The following FMN1 variants were observed in gnomAD, a reference collection of about 807,000 sequenced individuals.
The protein encoded by FMN1 is formin-1.
A neutral mutation model predicts 132.4 loss-of-function variants in FMN1; 110 were observed. That is an observed-to-expected ratio of 0.83 (90% CI 0.71 to 0.97). The LOEUF (loss-of-function observed/expected upper bound fraction) is 0.97. Among genes scored for constraint, FMN1 ranks in the 50% least tolerant of loss-of-function variants. The pLI is 0.00. For missense variants in FMN1, 1,792 were observed against 1,705.3 expected (o/e 1.05, Z -0.90); for synonymous variants, 722 against 651.7 (o/e 1.11, Z -1.64).
At chr15:32,915,659 T>C (rs2060666805) in intron 10 of FMN1, among the ~76,000 whole-genome samples, 1 of 152,222 alleles carries the variant, frequency 6.6e-6, no homozygotes, top group Non-Finnish European at 1.5e-5. Context: ...AATCCTACTT[T>C]TGTTTCCATC....
At chr15:33,019,186 T>C (rs1372625568) in intron 6 of FMN1, among the ~76,000 whole-genome samples, 5 of 152,192 alleles carry the variant, frequency 3.3e-5, no homozygotes, top group African/African-American at 9.7e-5. Flanking sequence ...AGGGTGCTGA[T>C]TGGTGCATTC....
chr15:33,088,976 T>C lies in FMN1; in HGVS notation c.1868-2A>G. The C allele has an allele frequency of 1.3e-6, 2 of 1,529,480 alleles. No homozygotes were observed. Among genetic ancestry groups the C allele is most frequent in the South Asian group, 1.2e-5 (1 of 82,388 alleles). The allele number at this position is 1,529,480 out of a possible 1,614,324, so 94.7% of individuals were successfully genotyped here. A position where few individuals can be genotyped will look rare whatever the true frequency, so the allele number is the denominator to read the frequency against. Reference sequence around the variant, plus strand: ...AGGGAAAGCCCTCAGAGGAGATACCTAAACAAACACAGAGAAGGCCATCAG... The same window carrying C: ...AGGGAAAGCCCTCAGAGGAGATACCCAAACAAACACAGAGAAGGCCATCAG... On this transcript the variant is annotated splice_acceptor_variant, in intron 4 of 20. Transcript: ENST00000616417. LOFTEE classifies it high-confidence loss of function.
At chr15:32,842,148 G>T (rs1309792417) in intron 17 of FMN1, among the ~76,000 whole-genome samples, 1 of 152,160 alleles carries the variant, frequency 6.6e-6, no homozygotes, top group Non-Finnish European at 1.5e-5. Flanking sequence ...GAGAGGATAG[G>T]AAATTTCTAA....
At chr15:32,869,570 G>A (rs993824934) in intron 16 of FMN1, among the ~76,000 whole-genome samples, 6 of 152,180 alleles carry the variant, frequency 3.9e-5, no homozygotes, top group African/African-American at 1.2e-4. Context: ...AGACACACAT[G>A]CCAGGAAGTC....
At chr15:33,157,792 A>C (rs1157702980) in intron 3 of FMN1, among the ~76,000 whole-genome samples, 1 of 152,014 alleles carries the variant, frequency 6.6e-6, no homozygotes, top group East Asian at 1.9e-4. Context: ...GGAATTTGAG[A>C]CCAGTCTGGG....
intron 16 of FMN1, among the ~76,000 whole-genome samples, chr15:32,865,896 A>C (rs973545783): frequency 6.6e-6 from 1 of 151,996 alleles, no homozygotes; most frequent in Non-Finnish European, 1.5e-5. Context: ...TGAACTCAAT[A>C]ATAGAAATAC....
intron 4 of FMN1, among the ~76,000 whole-genome samples, chr15:33,092,230 G>A (rs1173598702): frequency 6.6e-6 from 1 of 152,176 alleles, no homozygotes; most frequent in Non-Finnish European, 1.5e-5. Flanking sequence ...AGGTTTTGCT[G>A]TCAATTATCA....
At chr15:33,128,666 A>G (rs1267110964) in intron 4 of FMN1, among the ~76,000 whole-genome samples, 2 of 152,182 alleles carry the variant, frequency 1.3e-5, no homozygotes, top group African/African-American at 4.8e-5. Context: ...TGCTCCGGTG[A>G]GTTTGTAGTC....
chr15:33,135,827 T>C (rs1014068378), intron 4 of FMN1, among the ~76,000 whole-genome samples: 1 of 152,320 alleles, frequency 6.6e-6, no homozygotes, highest in East Asian at 1.9e-4. Flanking sequence ...CCATGGAATG[T>C]CTTTTCCCAT....
intron 15 of FMN1, among the ~76,000 whole-genome samples, chr15:32,893,068 T>C (rs2060070649): frequency 6.6e-6 from 1 of 152,220 alleles, no homozygotes; most frequent in Admixed American, 6.5e-5. Context: ...ATCACTATGT[T>C]TTCTTGTAGT....
At chr15:32,914,523 C>T (rs117814043) in intron 10 of FMN1, among the ~76,000 whole-genome samples, 1 of 152,106 alleles carries the variant, frequency 6.6e-6, no homozygotes, top group African/African-American at 2.4e-5. Flanking sequence ...TTGAATGCCA[C>T]GATGAACCTG....
chr15:32,854,151 T>C (rs143527000), intron 17 of FMN1, among the ~76,000 whole-genome samples: 957 of 152,342 alleles, frequency 6.3e-3, no homozygotes, highest in Non-Finnish European at 9.7e-3. Flanking sequence ...GTTATCACTT[T>C]ACCATGCAAT....
intron 17 of FMN1, among the ~76,000 whole-genome samples, chr15:32,818,062 C>T (rs1165326788): frequency 6.6e-6 from 1 of 152,078 alleles, no homozygotes; most frequent in East Asian, 1.9e-4. Flanking sequence ...GTGCATAAGA[C>T]TTTCTCTGAG....
Position 32,969,449 on chromosome 15 carries a change from A to G in FMN1, c.2252T>C (p.Ile751Thr), listed in dbSNP as rs940977865. The G allele has an allele frequency of 5.0e-6, 8 of 1,613,872 alleles. No homozygotes were observed. In the East Asian group the frequency reaches 8.9e-5, roughly 18 times the overall value. ...QAQFELRAFH[I>T]RGEHAMITAR... ...TGTTATCATTGCATGCTCGCCCCGG[A>G]TATGAAATGCCCGAAGTTCAAACTG... is the stretch of plus-strand genomic sequence containing the variant. The change falls in exon 8 of 21, where the codon ATC becomes ACC. Residue 751 changes from isoleucine to threonine, a missense_variant. Physicochemically the swap from Ile to Thr is moderately conservative, Grantham distance 89. Around this residue, in one of 3 missense-constraint regions of FMN1, gnomAD observed 1,150 missense variants for 1,043.1 expected, o/e 1.10. Transcript: ENST00000616417.
rs548418632 is a variant in FMN1 at position 33,098,269 on chromosome 15, G to A, written c.1868-9295C>T. 5.9e-5 allele frequency among the ~76,000 whole-genome samples: 9 copies of A among 152,236 alleles called. No individual in the cohort carries two copies. The South Asian group carries it at 1.9e-3, about 32-fold the overall frequency. On this transcript the variant is annotated intron_variant, in intron 4 of 20. Coordinates refer to ENST00000616417, the MANE Select transcript of FMN1 (RefSeq NM_001277313.2). ...CTGAGTGACTGTCCTCCCCCAATAG[G>A]GCTGATGGCATTTCTCCTCCGGACT...
chr15:32,994,232 TCACA>T (rs1555375420), intron 7 of FMN1, among the ~76,000 whole-genome samples: 968 of 37,260 alleles, frequency 0.026, 11 homozygotes, highest in African/African-American at 0.051. Context: ...TCTCTCTCTC[TCACA>T]CACACACACA....
chr15:32,913,492 G>A (rs907973593), intron 10 of FMN1, among the ~76,000 whole-genome samples: 5 of 152,016 alleles, frequency 3.3e-5, no homozygotes, highest in Non-Finnish European at 7.4e-5. Flanking sequence ...TGTTCTCCAT[G>A]CACCATGGGT....
chr15:33,168,263 T>C (rs1255588223), intron 3 of FMN1, among the ~76,000 whole-genome samples: 1 of 152,214 alleles, frequency 6.6e-6, no homozygotes. Flanking sequence ...GAATCTGTTA[T>C]GGGAGGCCAT....
At chr15:32,777,879 TATA>T (rs377571098) in intron 19 of FMN1, among the ~76,000 whole-genome samples, 171 of 2,122 alleles carry the variant, frequency 0.081, 55 homozygotes, top group Non-Finnish European at 0.32. Context: ...TATAATACAT[TATA>T]TATTATGTAT....
Sources: gnomAD v4.1 joint callset for allele counts (sites outside exome capture counted in the v4.1 genomes callset) on GRCh38, gnomAD v4.1.1 for gene constraint, gnomAD v4.1.1 regional missense constraint, MANE v1.5 for transcripts, NCBI Gene and HGNC (gene_info 2026-07-23, HGNC 2026-07-21) for gene names.